COL6A5: variants seen among roughly 807,000 people sequenced by gnomAD.
The protein encoded by COL6A5 is collagen alpha-5(VI) chain.
Under a neutral mutation model 65.6 loss-of-function variants are expected in COL6A5, and 48 were observed. That is an observed-to-expected ratio of 0.73 (90% CI 0.58 to 0.93). COL6A5 has a LOEUF of 0.93. COL6A5 is among the 40% of genes least tolerant of loss of function. The pLI is 0.00. For synonymous variants in COL6A5, 291 were observed against 322.8 expected (o/e 0.90, Z 1.05); for missense variants, 914 against 928.3 (o/e 0.98, Z 0.20).
At chr3:130,361,048 C>G (rs761690281) in intron 1 of COL6A5, among the ~76,000 whole-genome samples, 9 of 151,948 alleles carry the variant, frequency 5.9e-5, no homozygotes, top group Non-Finnish European at 8.8e-5. Flanking sequence ...TATCCTGCAC[C>G]AACATGGTAC....
At chr3:130,445,616 T>G (rs1559907954) in intron 4 of COL6A5, among the ~76,000 whole-genome samples, 1 of 152,104 alleles carries the variant, frequency 6.6e-6, no homozygotes, top group Non-Finnish European at 1.5e-5. Context: ...ATTGCCAATT[T>G]CCGAAGTTCT....
At chr3:130,381,065 G>T (rs541189310) in intron 4 of COL6A5, among the ~76,000 whole-genome samples, 35 of 152,220 alleles carry the variant, frequency 2.3e-4, no homozygotes, top group Admixed American at 1.8e-3. Flanking sequence ...TTTTCTTCAA[G>T]GATGCTCCCA....
chr3:130,362,289 CATATATATATATAT>C lies in COL6A5; in HGVS notation c.-28-11297_-28-11284del, dbSNP rs1184871633. 2.8e-3 allele frequency among the ~76,000 whole-genome samples: 35 copies of C among 12,534 alleles called. 2 individuals are homozygous for C. Among genetic ancestry groups the C allele is most frequent in the African/African-American group, 7.5e-3 (34 of 4,558 alleles). 8.2% of individuals were successfully genotyped at this position (12,534 alleles called of 152,430 possible). A position where few individuals can be genotyped will look rare whatever the true frequency, so the allele number is the denominator to read the frequency against. On this transcript the variant is annotated intron_variant and NMD_transcript_variant, in intron 1 of 41. Coordinates refer to the COL6A5 transcript ENST00000312481. ...CTCTCTCTTTGTCTCTGTCTTTCTC[CATATATATATATAT>C]ATATATATATATATATATATATATT...
intron 10 of COL6A5, 68 bp downstream of exon 10, chr3:130,398,179 G>A (rs966193543): frequency 9.7e-7 from 1 of 1,031,060 alleles, no homozygotes; most frequent in African/African-American, 1.8e-5. Context: ...CACCCAGGTT[G>A]GAGTGCAGTG....
intron 4 of COL6A5, among the ~76,000 whole-genome samples, chr3:130,449,213 G>A (rs535114009): frequency 2.0e-5 from 3 of 152,240 alleles, no homozygotes; most frequent in Non-Finnish European, 2.9e-5. Flanking sequence ...GCGTGGCAGC[G>A]GCCGCCACTA....
intron 4 of COL6A5, among the ~76,000 whole-genome samples, chr3:130,450,182 T>C (rs375052177): frequency 7.2e-5 from 11 of 152,178 alleles, no homozygotes; most frequent in South Asian, 6.2e-4. Context: ...AAATGCAACA[T>C]TGGTGTGAGT....
At chr3:130,418,302 C>A (rs1226505463) in intron 24 of COL6A5, among the ~76,000 whole-genome samples, 6 of 152,016 alleles carry the variant, frequency 3.9e-5, no homozygotes, top group Non-Finnish European at 7.4e-5. Context: ...TGTCTTCCCT[C>A]TTCCTGGATC....
chr3:130,388,669 A>C (rs1260796065), exon 6 of COL6A5: 1 of 1,551,260 alleles, frequency 6.4e-7, no homozygotes, highest in Non-Finnish European at 8.7e-7. Context: ...GAAAATCTTC[A>C]TGAAAAACCT....
chr3:130,375,791 G>T (rs1029786141), intron 2 of COL6A5, among the ~76,000 whole-genome samples: 4 of 152,048 alleles, frequency 2.6e-5, no homozygotes, highest in Non-Finnish European at 5.9e-5. Flanking sequence ...GAAAAGCCAT[G>T]AGAACTCATG....
At chr3:130,440,443 T>C (rs968697973) in exon 3 of COL6A5, 2 of 1,613,584 alleles carry the variant, frequency 1.2e-6, no homozygotes, top group African/African-American at 2.7e-5. Flanking sequence ...TCATCACTTA[T>C]GACAACCAAC....
chr3:130,475,796 G>C (rs973292042), intron 7 of COL6A5, among the ~76,000 whole-genome samples: 1 of 152,118 alleles, frequency 6.6e-6, no homozygotes, highest in East Asian at 1.9e-4. Flanking sequence ...GCTTGCTCAT[G>C]TGAATAGCTG....
chr3:130,415,597 A>C, intron 22 of COL6A5, 48 bp from the exon 23 acceptor site: 10 of 1,498,356 alleles, frequency 6.7e-6, no homozygotes, highest in Non-Finnish European at 8.2e-6. Flanking sequence ...CTGAGAAGTA[A>C]GCTTTCATTG....
At chr3:130,448,406 C>A (rs988357453) in intron 4 of COL6A5, among the ~76,000 whole-genome samples, 3 of 152,084 alleles carry the variant, frequency 2.0e-5, no homozygotes, top group Non-Finnish European at 4.4e-5. Context: ...GCACATAGGT[C>A]GGAATGCCTA....
chr3:130,417,267 T>G (rs1290525890), intron 24 of COL6A5, among the ~76,000 whole-genome samples: 3 of 152,142 alleles, frequency 2.0e-5, no homozygotes, highest in African/African-American at 7.2e-5. Context: ...CATGAACTCC[T>G]TCTTGAAAAA....
At chr3:130,431,560 A>C in exon 1 of COL6A5, 2 of 1,551,618 alleles carry the variant, frequency 1.3e-6, no homozygotes, top group Non-Finnish European at 1.7e-6. Flanking sequence ...GGACATCATC[A>C]CTTCCATTGT....
chr3:130,460,751 T>C (rs1164599678), intron 5 of COL6A5, among the ~76,000 whole-genome samples: 1 of 151,638 alleles, frequency 6.6e-6, no homozygotes, highest in Non-Finnish European at 1.5e-5. Flanking sequence ...GTGGTGGTGG[T>C]AATATTGGTG....
At chr3:130,378,628 C>T (rs1935872362) in intron 3 of COL6A5, among the ~76,000 whole-genome samples, 1 of 152,064 alleles carries the variant, frequency 6.6e-6, no homozygotes, top group African/African-American at 2.4e-5. Context: ...TCAATGTTTC[C>T]CCTCACTCAT....
At chr3:130,465,354 T>G (rs909659856) in intron 5 of COL6A5, among the ~76,000 whole-genome samples, 3 of 151,946 alleles carry the variant, frequency 2.0e-5, no homozygotes, top group Non-Finnish European at 4.4e-5. Flanking sequence ...CACATGCATG[T>G]GAAGGAATTA....
chr3:130,480,774 C>G (rs1262892209), intron 7 of COL6A5, among the ~76,000 whole-genome samples: 1 of 152,132 alleles, frequency 6.6e-6, no homozygotes, highest in South Asian at 2.1e-4. Flanking sequence ...AGGCTGGAAC[C>G]TCTCTAAGAT....
Sources: gnomAD v4.1 joint callset for allele counts (sites outside exome capture counted in the v4.1 genomes callset) on GRCh38, gnomAD v4.1.1 for gene constraint, MANE v1.5 for transcripts, NCBI Gene and HGNC (gene_info 2026-07-23, HGNC 2026-07-21) for gene names.